Variants in ACOXL observed in about 807,000 individuals in gnomAD.
ACOXL encodes acyl-CoA oxidase like, also known as acyl-coenzyme A oxidase-like protein.
A neutral mutation model predicts 71.9 loss-of-function variants in ACOXL; 70 were observed. That is an observed-to-expected ratio of 0.97 (90% CI 0.80 to 1.19). The LOEUF is 1.19. Among genes scored for constraint, ACOXL ranks in the 50% most tolerant of loss-of-function variants. The probability of loss-of-function intolerance (pLI) is 0.00; values close to 1 mark genes in which losing one functional copy is unlikely to be tolerated. For missense variants in ACOXL, 703 were observed against 736.3 expected, an observed-to-expected ratio of 0.95 and a Z score of 0.52; for synonymous variants, 253 against 281.6, an observed-to-expected ratio of 0.90 and a Z score of 1.02.
At chr2:110,744,367 A>G (rs997578090) in intron 1 of ACOXL, among the ~76,000 whole-genome samples, 6 of 152,224 alleles carry the variant, frequency 3.9e-5, no homozygotes, top group Admixed American at 3.3e-4. Context: ...TTGGCAAAAA[A>G]TGTAGAGAGG....
At chr2:111,102,555 G>T (rs1297786778) in intron 17 of ACOXL, among the ~76,000 whole-genome samples, 1 of 152,022 alleles carries the variant, frequency 6.6e-6, no homozygotes, top group Non-Finnish European at 1.5e-5. Flanking sequence ...GCCCTTCTCC[G>T]TGAGTGTCTT....
chr2:110,907,194 G>C (rs1574072875), intron 10 of ACOXL, among the ~76,000 whole-genome samples: 1 of 152,204 alleles, frequency 6.6e-6, no homozygotes, highest in African/African-American at 2.4e-5. Context: ...CCACCTTGCT[G>C]TGTCCTCACA....
At chr2:110,891,462 A>G (rs985868877) in intron 10 of ACOXL, among the ~76,000 whole-genome samples, 4 of 151,592 alleles carry the variant, frequency 2.6e-5, no homozygotes, top group Non-Finnish European at 5.9e-5. Flanking sequence ...ACTTGTTTTT[A>G]AAATCTAGTA....
At chr2:110,760,090 C>T (rs1680190943) in intron 1 of ACOXL, among the ~76,000 whole-genome samples, 2 of 150,014 alleles carry the variant, frequency 1.3e-5, no homozygotes, top group Admixed American at 1.3e-4. Flanking sequence ...AGTTGATTGT[C>T]TTGGGGGCTT....
At chr2:111,032,238 C>CA (rs2065308998) in intron 15 of ACOXL, among the ~76,000 whole-genome samples, 1 of 151,866 alleles carries the variant, frequency 6.6e-6, no homozygotes, top group Non-Finnish European at 1.5e-5. Flanking sequence ...GGATGTTTGG[C>CA]AATGTTTAGA....
At chr2:110,756,959 C>T (rs548789270) in intron 1 of ACOXL, among the ~76,000 whole-genome samples, 5 of 152,032 alleles carry the variant, frequency 3.3e-5, no homozygotes, top group East Asian at 3.9e-4. Flanking sequence ...CATAGGTAAA[C>T]GTGGGCCGTG....
chr2:111,062,458 C>T (rs142154726), intron 16 of ACOXL, among the ~76,000 whole-genome samples: 6 of 152,184 alleles, frequency 3.9e-5, no homozygotes, highest in African/African-American at 1.4e-4. Context: ...ACACCCTTAG[C>T]ATATAGGATC....
chr2:110,997,346 G>GA (rs67902010), intron 14 of ACOXL, among the ~76,000 whole-genome samples: 80,442 of 151,536 alleles, frequency 0.53, 21,495 homozygotes, highest in East Asian at 0.67. Context: ...TATGCTAACG[G>GA]AAAAAAAAGA....
At chr2:110,794,015 G>T (rs1684982652) in intron 4 of ACOXL, 61 bp from the exon 5 acceptor site, 2 of 1,530,104 alleles carry the variant, frequency 1.3e-6, no homozygotes, top group African/African-American at 1.4e-5. Flanking sequence ...GGTCCGAGGG[G>T]TCTGCATTTG....
rs115402575 is a variant in ACOXL, at chr2:110,974,936, C to T, written c.1060-12172C>T. Among the ~76,000 whole-genome samples, 329 of 152,256 alleles carry T rather than the reference C, an allele frequency of 2.2e-3. 2 individuals carry two copies. Among genetic ancestry groups the T allele is most frequent in the African/African-American group, 7.5e-3 (313 of 41,550 alleles). The stretch of plus-strand genomic sequence containing the variant: ...CCTTGCTTAAAACACTAGACTCAGC[C>T]GAGATGTGGTTTGGGGTAGGACAGA... On this transcript the variant is annotated intron_variant, in intron 12 of 17. Transcript: ENST00000439055.
intron 1 of ACOXL, among the ~76,000 whole-genome samples, chr2:110,743,351 C>T (rs1276010852): frequency 6.6e-6 from 1 of 152,152 alleles, no homozygotes; most frequent in African/African-American, 2.4e-5. Context: ...TTGTTTTGTC[C>T]CAGGCCACAT....
At chr2:111,106,882 C>T (rs189955349) in intron 17 of ACOXL, among the ~76,000 whole-genome samples, 2 of 152,286 alleles carry the variant, frequency 1.3e-5, no homozygotes, top group Admixed American at 6.5e-5. Context: ...AGCCACATTA[C>T]GGTTCCCTAA....
chr2:110,951,584 C>T (rs981031857), intron 12 of ACOXL, among the ~76,000 whole-genome samples: 12 of 152,152 alleles, frequency 7.9e-5, no homozygotes, highest in Non-Finnish European at 1.5e-4. Flanking sequence ...CGGTGTGGGA[C>T]TTGTGCAGAT....
chr2:111,016,557 G>C (rs995190398), intron 14 of ACOXL: 3 of 152,236 alleles, frequency 2.0e-5, no homozygotes, highest in African/African-American at 7.2e-5. Context: ...ATCTAGAACA[G>C]GCTTCAGCTG....
At chr2:110,962,570 T>C (rs1448742025) in intron 12 of ACOXL, among the ~76,000 whole-genome samples, 1 of 152,182 alleles carries the variant, frequency 6.6e-6, no homozygotes, top group Non-Finnish European at 1.5e-5. Context: ...GCAGGACTGA[T>C]GCTAACAAGT....
intron 9 of ACOXL, among the ~76,000 whole-genome samples, chr2:110,820,912 C>T (rs1338849643): frequency 6.6e-6 from 1 of 152,076 alleles, no homozygotes; most frequent in Admixed American, 6.5e-5. Context: ...GGGAGGGAGA[C>T]TGGGATTGGG....
chr2:110,781,665 A>T (rs1200845675), intron 2 of ACOXL, among the ~76,000 whole-genome samples: 1 of 151,690 alleles, frequency 6.6e-6, no homozygotes. Flanking sequence ...AAATAAATAA[A>T]TATAAAAAAA....
At chr2:110,988,857 T>TTTTTGTG (rs1553449885) in intron 13 of ACOXL, among the ~76,000 whole-genome samples, 1 of 143,386 alleles carries the variant, frequency 7.0e-6, no homozygotes, top group Admixed American at 7.0e-5. Flanking sequence ...CCTATTTTTA[T>TTTTTGTG]TGTGTGTGTG....
chr2:111,029,843 C>T (rs887845182), intron 14 of ACOXL, among the ~76,000 whole-genome samples: 3 of 152,178 alleles, frequency 2.0e-5, no homozygotes, highest in Non-Finnish European at 4.4e-5. Context: ...TTCCTCTTCA[C>T]TTGAACTTGT....
Sources: gnomAD v4.1 joint callset for allele counts (sites outside exome capture counted in the v4.1 genomes callset) on GRCh38, gnomAD v4.1.1 for gene constraint, MANE v1.5 for transcripts, NCBI Gene and HGNC (gene_info 2026-07-23, HGNC 2026-07-21) for gene names.